Variants in IMMP2L observed in about 807,000 individuals in gnomAD.
IMMP2L encodes inner mitochondrial membrane peptidase subunit 2, also known as mitochondrial inner membrane protease subunit 2.
IMMP2L carries 18 observed loss-of-function variants against 19.3 expected under a neutral mutation model. The observed-to-expected ratio is 0.93, with a 90% CI of 0.64 to 1.38. IMMP2L has a LOEUF of 1.38. Among genes scored for constraint, IMMP2L ranks in the 40% most tolerant of loss-of-function variants. The pLI is 0.00. For missense variants in IMMP2L, 233 were observed against 218.2 expected, an observed-to-expected ratio of 1.07 and a Z score of -0.43; for synonymous variants, 76 against 73.0, an observed-to-expected ratio of 1.04 and a Z score of -0.21.
chr7:110,903,322 G>A (rs1426943005), intron 4 of IMMP2L, among the ~76,000 whole-genome samples: 1 of 152,112 alleles, frequency 6.6e-6, no homozygotes, highest in Non-Finnish European at 1.5e-5. Flanking sequence ...TTGAGTATAG[G>A]TACAATGTTA....
chr7:111,256,425 A>C (rs1418716561), intron 3 of IMMP2L, among the ~76,000 whole-genome samples: 1 of 152,090 alleles, frequency 6.6e-6, no homozygotes, highest in African/African-American at 2.4e-5. Context: ...ACTGTGTAAG[A>C]TAATACATGT....
intron 4 of IMMP2L, among the ~76,000 whole-genome samples, chr7:110,912,242 A>T (rs2129548481): frequency 6.6e-6 from 1 of 152,290 alleles, no homozygotes; most frequent in South Asian, 2.1e-4. Flanking sequence ...TCTTACAGCC[A>T]GTAAATTTAG....
chr7:110,862,619 A>T (rs2129542955), intron 5 of IMMP2L, among the ~76,000 whole-genome samples: 1 of 151,994 alleles, frequency 6.6e-6, no homozygotes. Context: ...TATTGGGATT[A>T]TAGGTGTGAG....
At chr7:111,397,675 T>C (rs1833009964) in intron 3 of IMMP2L, among the ~76,000 whole-genome samples, 1 of 152,172 alleles carries the variant, frequency 6.6e-6, no homozygotes, top group African/African-American at 2.4e-5. Flanking sequence ...ATAAATTCAT[T>C]TTTCATTTTC....
intron 3 of IMMP2L, among the ~76,000 whole-genome samples, chr7:111,242,485 G>A (rs1340633034): frequency 1.3e-5 from 2 of 152,010 alleles, no homozygotes; most frequent in African/African-American, 4.8e-5. Flanking sequence ...GCAGTTAAAG[G>A]AACAGTGGGA....
chr7:111,106,887 A>G (rs1363270642), intron 3 of IMMP2L, among the ~76,000 whole-genome samples: 2 of 151,812 alleles, frequency 1.3e-5, no homozygotes, highest in African/African-American at 4.8e-5. Flanking sequence ...TTAGAAGAGT[A>G]AAGGAAAACA....
intron 3 of IMMP2L, among the ~76,000 whole-genome samples, chr7:111,218,945 T>C (rs1227437758): frequency 1.3e-5 from 2 of 151,968 alleles, no homozygotes; most frequent in East Asian, 3.8e-4. Flanking sequence ...CTGCTTAAAA[T>C]ATGAAATAAC....
intron 3 of IMMP2L, among the ~76,000 whole-genome samples, chr7:111,027,348 T>C (rs1421571793): frequency 6.6e-6 from 1 of 152,174 alleles, no homozygotes; most frequent in Non-Finnish European, 1.5e-5. Flanking sequence ...AGTGATGTTA[T>C]ATATTTTACA....
At position 110,825,926 on chromosome 7, in the gene IMMP2L, G is replaced by A. The variant is rs58289742; in HGVS notation, c.408+60667C>T. On this transcript the variant is annotated intron_variant, in intron 5 of 5. Transcript: ENST00000405709. ...ACCTACAGAATGGGAGAAAATTTTC[G>A]CAATCTGGTCATCTGACAAAGGGCT... Among the ~76,000 whole-genome samples, 974 of 152,120 alleles carry A rather than the reference G, an allele frequency of 6.4e-3. 17 individuals are homozygous for A. Among genetic ancestry groups the A allele is most frequent in the African/African-American group, 0.022 (922 of 41,486 alleles).
At chr7:111,501,535 G>A (rs1458894493) in intron 2 of IMMP2L, among the ~76,000 whole-genome samples, 2 of 152,228 alleles carry the variant, frequency 1.3e-5, no homozygotes, top group East Asian at 3.9e-4. Flanking sequence ...ATTCACCAAA[G>A]TTGAAATGAA....
At chr7:110,989,180 A>G (rs1271433062) in intron 3 of IMMP2L, among the ~76,000 whole-genome samples, 1 of 152,144 alleles carries the variant, frequency 6.6e-6, no homozygotes, top group Non-Finnish European at 1.5e-5. Context: ...GATTGCGGTG[A>G]GCCAAGATCG....
intron 4 of IMMP2L, among the ~76,000 whole-genome samples, chr7:110,905,222 T>A (rs1812324013): frequency 6.6e-6 from 1 of 152,134 alleles, no homozygotes; most frequent in African/African-American, 2.4e-5. Flanking sequence ...TTTGCAAGAT[T>A]CCCTTGTCAT....
In IMMP2L at chr7:110,965,511, T is replaced by C. The variant is rs997749337; in HGVS notation, c.240-1946A>G. Among the ~76,000 whole-genome samples, 7 of 152,056 alleles carry C rather than the reference T, an allele frequency of 4.6e-5. No homozygotes were observed. In the East Asian group the frequency reaches 5.8e-4, roughly 13 times the overall value. ...AAATGAAATTTGATCAGAGTTTTGA[T>C]TGGCCTCATCCCTTTATTAAATCAA... On this transcript the variant is annotated intron_variant, in intron 3 of 5. Transcript: ENST00000405709.
At chr7:110,755,367 G>A (rs80120833) in intron 5 of IMMP2L, among the ~76,000 whole-genome samples, 1 of 152,000 alleles carries the variant, frequency 6.6e-6, no homozygotes, top group Admixed American at 6.6e-5. Flanking sequence ...ATAGAGAAAA[G>A]TTAACAGACT....
At chr7:111,068,751 A>G (rs1794715132) in intron 3 of IMMP2L, among the ~76,000 whole-genome samples, 1 of 152,188 alleles carries the variant, frequency 6.6e-6, no homozygotes, top group Non-Finnish European at 1.5e-5. Flanking sequence ...GTAAATACAG[A>G]AAATAGCAAC....
chr7:110,802,884 G>A (rs984336467), intron 5 of IMMP2L, among the ~76,000 whole-genome samples: 7 of 152,134 alleles, frequency 4.6e-5, no homozygotes, highest in Non-Finnish European at 7.4e-5. Flanking sequence ...TTTCTGGGCC[G>A]GTTATCTGTT....
intron 5 of IMMP2L, among the ~76,000 whole-genome samples, chr7:110,783,074 GCAGGAA>G (rs1799846210): frequency 1.3e-5 from 2 of 151,828 alleles, no homozygotes; most frequent in African/African-American, 4.8e-5. Context: ...CGAGGTTGGA[GCAGGAA>G]CAGGATCTCG....
intron 3 of IMMP2L, among the ~76,000 whole-genome samples, chr7:111,348,550 G>A (rs550028195): frequency 6.6e-6 from 1 of 152,190 alleles, no homozygotes; most frequent in Non-Finnish European, 1.5e-5. Context: ...ACCAAATGAT[G>A]CAGTTTTTGA....
chr7:110,988,540 A>C (rs916064496), intron 3 of IMMP2L, among the ~76,000 whole-genome samples: 1 of 152,204 alleles, frequency 6.6e-6, no homozygotes, highest in African/African-American at 2.4e-5. Flanking sequence ...ACTCTAGTAA[A>C]TGGATAGCAA....
Sources: gnomAD v4.1 joint callset for allele counts (sites outside exome capture counted in the v4.1 genomes callset) on GRCh38, gnomAD v4.1.1 for gene constraint, MANE v1.5 for transcripts, NCBI Gene and HGNC (gene_info 2026-07-23, HGNC 2026-07-21) for gene names.